Variants in IL1RAPL1 observed in about 807,000 individuals in gnomAD.
IL1RAPL1 encodes interleukin 1 receptor accessory protein like 1, also known as interleukin-1 receptor accessory protein-like 1.
A neutral mutation model predicts 48.4 loss-of-function variants in IL1RAPL1; 3 were observed. The observed-to-expected ratio is 0.06, with a 90% confidence interval of 0.03 to 0.16. The LOEUF (loss-of-function observed/expected upper bound fraction) is 0.16. Among genes scored for constraint, IL1RAPL1 ranks in the 10% least tolerant of loss-of-function variants. The pLI is 1.00. For missense variants in IL1RAPL1, 349 were observed against 530.6 expected, an observed-to-expected ratio of 0.66 and a Z score of 3.36; for synonymous variants, 185 against 187.7, an observed-to-expected ratio of 0.99 and a Z score of 0.12.
chrX:29,405,372 A>AT (rs755383338), intron 5 of IL1RAPL1, among the ~76,000 whole-genome samples: 53 of 95,209 alleles, frequency 5.6e-4, no homozygotes, highest in Non-Finnish European at 6.8e-4. Context: ...TTATTTATTT[A>AT]TTTATTTTTT....
intron 2 of IL1RAPL1, among the ~76,000 whole-genome samples, chrX:28,829,894 A>G (rs1018028575): frequency 1.0e-4 from 11 of 109,778 alleles, no homozygotes; most frequent in Non-Finnish European, 1.9e-4. Context: ...ATCTTTTGAG[A>G]TGGTCATGTG....
At chrX:29,508,821 A>C (rs1277924275) in intron 5 of IL1RAPL1, among the ~76,000 whole-genome samples, 1 of 112,244 alleles carries the variant, frequency 8.9e-6, no homozygotes, top group African/African-American at 3.2e-5. Context: ...TTCTAGGTAC[A>C]GTCTTGCCTT....
chrX:29,106,147 G>A (rs1355730288), intron 2 of IL1RAPL1, among the ~76,000 whole-genome samples: 1 of 111,762 alleles, frequency 8.9e-6, no homozygotes, highest in Admixed American at 9.5e-5. Context: ...TAGAATATGT[G>A]CGAGAACTTT....
At chrX:28,634,096 A>T (rs1458760122) in intron 1 of IL1RAPL1, among the ~76,000 whole-genome samples, 1 of 109,216 alleles carries the variant, frequency 9.2e-6, no homozygotes, top group Non-Finnish European at 1.9e-5. Context: ...TGCAACCTTC[A>T]CCTCCCAGGT....
chrX:29,008,163 G>A (rs1926028748), intron 2 of IL1RAPL1, among the ~76,000 whole-genome samples: 1 of 108,601 alleles, frequency 9.2e-6, no homozygotes, highest in African/African-American at 3.4e-5. Flanking sequence ...CACCAGGCCC[G>A]GATAATTTTT....
intron 6 of IL1RAPL1, among the ~76,000 whole-genome samples, chrX:29,856,052 C>T (rs777584457): frequency 3.2e-4 from 36 of 111,986 alleles, no homozygotes; most frequent in Non-Finnish European, 5.5e-4. Context: ...TACCTACATG[C>T]ATATACCATG....
chrX:29,873,986 G>C (rs781185679), intron 6 of IL1RAPL1, among the ~76,000 whole-genome samples: 12 of 112,295 alleles, frequency 1.1e-4, no homozygotes, highest in Non-Finnish European at 1.9e-4. Flanking sequence ...ACAAATTGCA[G>C]TTTTAAAATG....
At chrX:28,807,307 C>T (rs765721669) in intron 2 of IL1RAPL1, among the ~76,000 whole-genome samples, 21 of 110,866 alleles carry the variant, frequency 1.9e-4, no homozygotes, top group Non-Finnish European at 3.8e-4. Flanking sequence ...GACTTGTATT[C>T]CCTTTTGCTT....
intron 1 of IL1RAPL1, among the ~76,000 whole-genome samples, chrX:28,756,100 C>T (rs1196403740): frequency 9.0e-6 from 1 of 111,358 alleles, no homozygotes; most frequent in Non-Finnish European, 1.9e-5. Context: ...GTATTTCCCC[C>T]ATAACTTGAA....
intron 5 of IL1RAPL1, among the ~76,000 whole-genome samples, chrX:29,557,639 T>C (rs1162166712): frequency 9.0e-6 from 1 of 111,563 alleles, no homozygotes; most frequent in African/African-American, 3.3e-5. Flanking sequence ...ACTGCATCAC[T>C]GAAACTTTGT....
chrX:29,843,049 G>A (rs191059875), intron 6 of IL1RAPL1, among the ~76,000 whole-genome samples: 5 of 112,099 alleles, frequency 4.5e-5, no homozygotes, highest in Admixed American at 9.5e-5. Context: ...CTGTATATTC[G>A]CTGCTCACTG....
intron 2 of IL1RAPL1, among the ~76,000 whole-genome samples, chrX:29,214,486 T>TA (rs1206149518): frequency 9.0e-6 from 1 of 110,585 alleles, no homozygotes; most frequent in Non-Finnish European, 1.9e-5. Context: ...TGCATAGGAG[T>TA]ATATTGTAGT....
intron 1 of IL1RAPL1, among the ~76,000 whole-genome samples, chrX:28,675,957 C>A (rs953803336): frequency 2.7e-5 from 3 of 111,765 alleles, no homozygotes; most frequent in African/African-American, 9.8e-5. Context: ...ACATTTCATT[C>A]ATGAGTTGTA....
chrX:29,107,585 T>C, intron 2 of IL1RAPL1, among the ~76,000 whole-genome samples: 1 of 111,914 alleles, frequency 8.9e-6, no homozygotes, highest in East Asian at 2.8e-4. Context: ...AGCAGCAAGC[T>C]TGAACCTTTG....
At chrX:29,206,828 A>C (rs1382689640) in intron 2 of IL1RAPL1, among the ~76,000 whole-genome samples, 2 of 112,153 alleles carry the variant, frequency 1.8e-5, no homozygotes, top group Non-Finnish European at 3.8e-5. Context: ...ATTATTGAAA[A>C]ATAAGGTGAA....
intron 2 of IL1RAPL1, among the ~76,000 whole-genome samples, chrX:28,794,215 C>G (rs747000731): frequency 9.0e-6 from 1 of 110,929 alleles, no homozygotes; most frequent in Non-Finnish European, 1.9e-5. Context: ...GACAATGAAC[C>G]TTTACAAATG....
At chrX:28,741,537 T>C (rs1420003903) in intron 1 of IL1RAPL1, among the ~76,000 whole-genome samples, 1 of 112,229 alleles carries the variant, frequency 8.9e-6, no homozygotes, top group African/African-American at 3.2e-5. Flanking sequence ...TTTCCAAACA[T>C]GCTTCACAAA....
intron 6 of IL1RAPL1, among the ~76,000 whole-genome samples, chrX:29,884,116 C>G (rs1462318925): frequency 8.9e-6 from 1 of 111,742 alleles, no homozygotes; most frequent in Non-Finnish European, 1.9e-5. Context: ...AAAAATGATA[C>G]CTGATCTCAT....
At chrX:29,702,619 A>G (rs1199226493) in intron 6 of IL1RAPL1, among the ~76,000 whole-genome samples, 1 of 111,781 alleles carries the variant, frequency 8.9e-6, no homozygotes, top group African/African-American at 3.3e-5. Context: ...GACAATTGAA[A>G]TGTTCATTTG....
Sources: gnomAD v4.1 joint callset for allele counts (sites outside exome capture counted in the v4.1 genomes callset) on GRCh38, gnomAD v4.1.1 for gene constraint, MANE v1.5 for transcripts, NCBI Gene and HGNC (gene_info 2026-07-23, HGNC 2026-07-21) for gene names.